The following MYOM2 variants were observed in gnomAD, a reference collection of about 807,000 sequenced individuals.
MYOM2 encodes the protein myomesin 2, also known as myomesin-2.
In MYOM2, 254 loss-of-function variants were observed where a neutral mutation model predicts 187.6. That is an observed-to-expected ratio of 1.35 (90% confidence interval 1.22 to 1.50). MYOM2 has a LOEUF of 1.50. MYOM2 is among the 40% of genes most tolerant of loss of function. The probability of loss-of-function intolerance (pLI) is 0.00; values close to 1 mark genes in which losing one functional copy is unlikely to be tolerated. For missense variants in MYOM2, 2,796 were observed against 1,924.0 expected, an observed-to-expected ratio of 1.45 and a Z score of -8.48; for synonymous variants, 981 against 753.8, an observed-to-expected ratio of 1.30 and a Z score of -4.94.
chr8:2,086,512 C>CCGCG (rs1796078322), intron 14 of MYOM2, among the ~76,000 whole-genome samples: 2 of 151,260 alleles, frequency 1.3e-5, no homozygotes, highest in Admixed American at 6.6e-5. Context: ...GTCGTGATCT[C>CCGCG]TGCGTGGCCC....
At chr8:2,045,946 C>T (rs1818298959) in intron 1 of MYOM2, among the ~76,000 whole-genome samples, 1 of 152,224 alleles carries the variant, frequency 6.6e-6, no homozygotes, top group African/African-American at 2.4e-5. Context: ...TTTCACATTC[C>T]TTTCTTACTA....
At chr8:2,074,997 G>A (rs1335221885) in intron 10 of MYOM2, among the ~76,000 whole-genome samples, 2 of 152,224 alleles carry the variant, frequency 1.3e-5, no homozygotes, top group African/African-American at 4.8e-5. Context: ...CTTCCCACCT[G>A]CCTCCAGCTC....
At chr8:2,054,252 A>G (rs1235147630) in intron 3 of MYOM2, among the ~76,000 whole-genome samples, 1 of 152,226 alleles carries the variant, frequency 6.6e-6, no homozygotes, top group Non-Finnish European at 1.5e-5. Context: ...TCAAATAAAT[A>G]CTGAAGAGAC....
chr8:2,048,838 G>C (rs181026653), intron 1 of MYOM2, among the ~76,000 whole-genome samples: 1 of 151,430 alleles, frequency 6.6e-6, no homozygotes, highest in East Asian at 1.9e-4. Context: ...CACCCAGGCT[G>C]GAATGCAGTG....
Position 2,102,760 on chromosome 8 carries a change from G to C in MYOM2, c.2713G>C (p.Val905Leu), listed in dbSNP as rs1796752105. 1.9e-6 allele frequency: 3 copies of C among 1,613,746 alleles called. No individual in the cohort carries two copies. The highest frequency in any genetic ancestry group is 4.5e-5 in the East Asian group (2 of 44,870). ...VGKPSDTSEP[V>L]LVEARPGTKE... ...GAAGCCCTCAGACACGTCGGAGCCT[G>C]TGCTGGTAGAGGCGAGACCAGGTAA... The change falls in exon 21 of 37, where the codon GTG becomes CTG. Residue 905 changes from valine (V) to leucine (L), a missense_variant. Val to Leu is a conservative substitution (Grantham distance 32). Coordinates refer to ENST00000262113, the MANE Select transcript of MYOM2 (RefSeq NM_003970.4).
intron 15 of MYOM2, among the ~76,000 whole-genome samples, chr8:2,090,798 C>G (rs1377384861): frequency 1.3e-5 from 2 of 152,144 alleles, no homozygotes; most frequent in Admixed American, 6.5e-5. Context: ...AGGACGTGGT[C>G]TTGTTCTTTT....
At chr8:2,106,888 G>A (rs916952087) in intron 23 of MYOM2, among the ~76,000 whole-genome samples, 1 of 152,222 alleles carries the variant, frequency 6.6e-6, no homozygotes, top group South Asian at 2.1e-4. Flanking sequence ...TATGCAGAGG[G>A]TAACATATTA....
chr8:2,124,363 G>C (rs895937807), intron 31 of MYOM2, 146 bp downstream of exon 31: 18 of 741,560 alleles, frequency 2.4e-5, no homozygotes, highest in Admixed American at 1.5e-4. Flanking sequence ...GCAGGGTGGT[G>C]ATCTGCTGCC....
At chr8:2,083,372 C>A (rs1341134281) in intron 13 of MYOM2, among the ~76,000 whole-genome samples, 1 of 152,114 alleles carries the variant, frequency 6.6e-6, no homozygotes, top group Non-Finnish European at 1.5e-5. Flanking sequence ...TGGCATCTAG[C>A]ATGTGCTTAG....
At chr8:2,064,767 T>C (rs1818961836) in intron 6 of MYOM2, among the ~76,000 whole-genome samples, 2 of 151,436 alleles carry the variant, frequency 1.3e-5, no homozygotes, top group Non-Finnish European at 2.9e-5. Flanking sequence ...ATCTCCCTCC[T>C]CCTTCTCCTC....
chr8:2,091,016 C>CTTTTTTTTTTTTTTTT (rs35873643), intron 15 of MYOM2, among the ~76,000 whole-genome samples: 1 of 86,508 alleles, frequency 1.2e-5, no homozygotes, highest in African/African-American at 4.5e-5. Flanking sequence ...AATGATAGTT[C>CTTTTTTTTTTTTTTTT]TTTTTTTTTT....
chr8:2,049,776 C>T (rs939560964), intron 1 of MYOM2, among the ~76,000 whole-genome samples: 4 of 152,212 alleles, frequency 2.6e-5, no homozygotes, highest in African/African-American at 7.2e-5. Flanking sequence ...GATCAAGTCA[C>T]TCAGCACGTT....
intron 32 of MYOM2, among the ~76,000 whole-genome samples, chr8:2,137,299 T>C (rs5023998): frequency 0.16 from 24,443 of 151,642 alleles, 3,715 homozygotes; most frequent in African/African-American, 0.39. Flanking sequence ...TGCGTCCTCT[T>C]GGTGAGACTG....
rs1039246771 is a variant in MYOM2, at chr8:2,140,868, C to T, written c.3946C>T (p.Leu1316Phe). 1.9e-6 allele frequency: 3 copies of T among 1,613,752 alleles called. No individual in the cohort carries two copies. Among genetic ancestry groups the T allele is most frequent in the Middle Eastern group, 1.6e-4 (1 of 6,062 alleles). The stretch of plus-strand genomic sequence containing the variant: ...TGGCAAAGACAACCATCAACGCTCC[C>T]TTGACCTGTCCGGACAAGGTAAGAG... ...FDGKDNHQRS[L>F]DLSGQAFDEA... Residue 1316 changes from leucine (L) to phenylalanine (F), a missense_variant, in exon 33 of 37, where the codon CTT (leucine) becomes TTT (phenylalanine). Coordinates refer to ENST00000262113, the MANE Select transcript of MYOM2 (RefSeq NM_003970.4).
chr8:2,073,957 C>G (rs1325451893), intron 10 of MYOM2, among the ~76,000 whole-genome samples: 1 of 152,136 alleles, frequency 6.6e-6, no homozygotes, highest in Admixed American at 6.5e-5. Flanking sequence ...ACAGCCAGTG[C>G]TGTGACCTCC....
At position 2,092,505 on chromosome 8, in the gene MYOM2, C is replaced by A. The variant is rs1242299411; in HGVS notation, c.1988C>A (p.Pro663His). The change falls in exon 16 of 37, where the codon CCC becomes CAC. Residue 663 changes from proline (P) to histidine (H), a missense_variant. Physicochemically the swap from Pro to His is moderately conservative, Grantham distance 77 (BLOSUM62 -2). Coordinates refer to ENST00000262113, the MANE Select transcript of MYOM2 (RefSeq NM_003970.4). ...CTCTGGGAGCCCTGCAACCACAAGC[C>A]CATCGGATACAACAGGTGCGGCCTC... is the stretch of plus-strand genomic sequence containing the variant. Reference protein sequence around the residue: ...TNLWEPCNHKPIGYNRFVVHG... With the variant: ...TNLWEPCNHKHIGYNRFVVHG... 1.2e-6 allele frequency: 2 copies of A among 1,614,034 alleles called. No individual in the cohort carries two copies. The highest frequency in any genetic ancestry group is 1.7e-6 in the Non-Finnish European group (2 of 1,180,000).
chr8:2,067,746 GTT>G (rs3837175), intron 6 of MYOM2, among the ~76,000 whole-genome samples: 1 of 151,394 alleles, frequency 6.6e-6, no homozygotes, highest in Admixed American at 6.6e-5. Context: ...CCTAAGTCAT[GTT>G]TTTTTTTGTT....
At chr8:2,129,697 G>C (rs1797784708) in intron 32 of MYOM2, among the ~76,000 whole-genome samples, 1 of 152,190 alleles carries the variant, frequency 6.6e-6, no homozygotes, top group Non-Finnish European at 1.5e-5. Flanking sequence ...AAGGTTTTCT[G>C]TATTTCATGC....
intron 31 of MYOM2, among the ~76,000 whole-genome samples, chr8:2,127,511 G>A (rs1797690087): frequency 6.6e-6 from 1 of 152,262 alleles, no homozygotes; most frequent in Admixed American, 6.5e-5. Context: ...TCAGGTTCCT[G>A]GGTGGTTTCC....
Sources: gnomAD v4.1 joint callset for allele counts (sites outside exome capture counted in the v4.1 genomes callset) on GRCh38, gnomAD v4.1.1 for gene constraint, MANE v1.5 for transcripts, NCBI Gene and HGNC (gene_info 2026-07-23, HGNC 2026-07-21) for gene names.